The following PARD3 variants were observed in gnomAD, a reference collection of about 807,000 sequenced individuals.
PARD3 encodes the protein par-3 family cell polarity regulator.
In PARD3, 75 loss-of-function variants were observed where a neutral mutation model predicts 155.4. That is an observed-to-expected ratio of 0.48 (90% CI 0.40 to 0.58). The LOEUF (loss-of-function observed/expected upper bound fraction) is 0.58. Ranked by LOEUF, PARD3 falls within the 20% of genes least tolerant of loss-of-function variation. The probability of loss-of-function intolerance (pLI) is 0.00; values close to 1 mark genes in which losing one functional copy is unlikely to be tolerated. For synonymous variants in PARD3, 576 were observed against 610.5 expected (o/e 0.94, Z 0.83); for missense variants, 1,642 against 1,721.7 (o/e 0.95, Z 0.82).
At chr10:34,740,456 G>C (rs1308600256) in intron 1 of PARD3, among the ~76,000 whole-genome samples, 1 of 152,200 alleles carries the variant, frequency 6.6e-6, no homozygotes, top group African/African-American at 2.4e-5. Flanking sequence ...AGTAGCACAA[G>C]ACAACTTCCT....
intron 2 of PARD3, among the ~76,000 whole-genome samples, chr10:34,607,156 A>C (rs2090531420): frequency 6.6e-6 from 1 of 152,036 alleles, no homozygotes; most frequent in South Asian, 2.1e-4. Flanking sequence ...CACCTTACAG[A>C]TTTCGAAACT....
chr10:34,592,666 C>T (rs1218387083), intron 2 of PARD3, among the ~76,000 whole-genome samples: 3 of 152,206 alleles, frequency 2.0e-5, no homozygotes, highest in Non-Finnish European at 4.4e-5. Context: ...GTCCCAGCTA[C>T]TCCAGAGGCT....
At position 34,794,885 on chromosome 10, in the gene PARD3, G is replaced by A. The variant is rs1409967989; in HGVS notation, c.120+19991C>T. On this transcript the variant is annotated intron_variant, in intron 1 of 24. Transcript: ENST00000374788. ...GTTTGATGTTATATGTGATACACAC[G>A]CATATGCGCACATACACACGTATCT... Among the ~76,000 whole-genome samples, 5 of 152,222 alleles carry A rather than the reference G, an allele frequency of 3.3e-5. No individual in the cohort carries two copies. The East Asian group carries it at 7.7e-4, about 23-fold the overall frequency.
intron 5 of PARD3, among the ~76,000 whole-genome samples, chr10:34,422,814 C>G (rs1421406412): frequency 6.6e-6 from 1 of 152,024 alleles, no homozygotes; most frequent in African/African-American, 2.4e-5. Flanking sequence ...CAAAGGGAAC[C>G]CTTGCATTCT....
At chr10:34,514,957 C>A (rs2081619579) in intron 3 of PARD3, among the ~76,000 whole-genome samples, 1 of 152,166 alleles carries the variant, frequency 6.6e-6, no homozygotes, top group Non-Finnish European at 1.5e-5. Flanking sequence ...AACGGTAACA[C>A]AACAGAAAGT....
At chr10:34,343,323 T>A in intron 15 of PARD3, 5 of 964,182 alleles carry the variant, frequency 5.2e-6, no homozygotes, top group Non-Finnish European at 6.2e-6. Flanking sequence ...AAACTTCTGG[T>A]TTTACACAAT....
chr10:34,725,878 A>G (rs1443823313), intron 1 of PARD3, among the ~76,000 whole-genome samples: 1 of 152,230 alleles, frequency 6.6e-6, no homozygotes, highest in Non-Finnish European at 1.5e-5. Context: ...GCTGTGGACT[A>G]GTTCTACTGT....
intron 1 of PARD3, among the ~76,000 whole-genome samples, chr10:34,747,530 C>T (rs891499517): frequency 1.3e-5 from 2 of 152,224 alleles, no homozygotes; most frequent in African/African-American, 4.8e-5. Flanking sequence ...TTACTGACAT[C>T]TTATCTCAAC....
At chr10:34,204,220 T>C (rs750451793) in intron 22 of PARD3, among the ~76,000 whole-genome samples, 3 of 152,112 alleles carry the variant, frequency 2.0e-5, no homozygotes, top group Admixed American at 6.6e-5. Flanking sequence ...TTAACCTCAA[T>C]AGGAAAGGCA....
chr10:34,259,756 G>A (rs1954857280), intron 22 of PARD3, among the ~76,000 whole-genome samples: 1 of 152,236 alleles, frequency 6.6e-6, no homozygotes, highest in Non-Finnish European at 1.5e-5. Context: ...GTCTGAATTA[G>A]AAGTGAAGTA....
At chr10:34,723,798 T>G (rs1260827556) in intron 1 of PARD3, among the ~76,000 whole-genome samples, 1 of 152,204 alleles carries the variant, frequency 6.6e-6, no homozygotes, top group East Asian at 1.9e-4. Flanking sequence ...ACTGCAGGCT[T>G]GAGCACACCG....
At chr10:34,546,748 T>A (rs917853257) in intron 2 of PARD3, among the ~76,000 whole-genome samples, 3 of 152,214 alleles carry the variant, frequency 2.0e-5, no homozygotes, top group African/African-American at 7.2e-5. Context: ...TGTATAGTTT[T>A]AATTTTCATT....
intron 22 of PARD3, among the ~76,000 whole-genome samples, chr10:34,179,423 T>C (rs925437967): frequency 6.6e-6 from 1 of 152,248 alleles, no homozygotes. Context: ...TAATATGAGA[T>C]ACCTGAGTGT....
chr10:34,400,414 G>T (rs1203138416), intron 6 of PARD3, among the ~76,000 whole-genome samples: 1 of 152,080 alleles, frequency 6.6e-6, no homozygotes, highest in East Asian at 1.9e-4. Context: ...AATTTGTATA[G>T]ACAATGTAAT....
chr10:34,354,377 C>CA lies in PARD3; in HGVS notation c.2067+4769dup, dbSNP rs745511013. On this transcript the variant is annotated intron_variant, in intron 14 of 24. Coordinates refer to ENST00000374788, the MANE Select transcript of PARD3 (RefSeq NM_001184785.2). ...TGAGCAACACAGCGAGACTCTGTCT[C>CA]AAAAAAAAAAAAAAGCCAGACTCTC... Among the ~76,000 whole-genome samples, 979 of 120,992 alleles carry CA rather than the reference C, an allele frequency of 8.1e-3. 5 individuals are homozygous for CA. The highest frequency in any genetic ancestry group is 0.023 in the African/African-American group (763 of 32,902). The allele number at this position is 120,992 out of a possible 152,430, so 79.4% of individuals were successfully genotyped here.
intron 1 of PARD3, among the ~76,000 whole-genome samples, chr10:34,737,813 C>T (rs1206423717): frequency 2.6e-5 from 4 of 152,158 alleles, no homozygotes; most frequent in Non-Finnish European, 4.4e-5. Context: ...TATAGCAACA[C>T]GAATGAACTA....
At chr10:34,417,109 C>A (rs1189170379) in intron 5 of PARD3, among the ~76,000 whole-genome samples, 2 of 152,302 alleles carry the variant, frequency 1.3e-5, no homozygotes, top group African/African-American at 2.4e-5. Flanking sequence ...AATTCCCCAG[C>A]CCTCTGCCCA....
chr10:34,152,822 A>G (rs1687649748), intron 22 of PARD3, among the ~76,000 whole-genome samples: 1 of 152,198 alleles, frequency 6.6e-6, no homozygotes, highest in South Asian at 2.1e-4. Context: ...GGCAGAGAAA[A>G]GTAAGATGTA....
intron 3 of PARD3, among the ~76,000 whole-genome samples, chr10:34,487,368 C>T (rs113990968): frequency 0.012 from 1,782 of 151,714 alleles, 32 homozygotes; most frequent in African/African-American, 0.038. Context: ...CAAAGGACAC[C>T]GAGAAAATGT....
Sources: allele counts gnomAD v4.1 joint callset (sites outside exome capture counted in the v4.1 genomes callset), GRCh38; gene constraint gnomAD v4.1.1; transcripts MANE v1.5; gene names NCBI Gene and HGNC (gene_info 2026-07-23, HGNC 2026-07-21).